PCDHGB2: variants seen among roughly 807,000 people sequenced by gnomAD.
The protein encoded by PCDHGB2 is protocadherin gamma-B2.
A neutral mutation model predicts 59.3 loss-of-function variants in PCDHGB2; 55 were observed. That is an observed-to-expected ratio of 0.93 (90% CI 0.75 to 1.16). The LOEUF (loss-of-function observed/expected upper bound fraction) is 1.16. PCDHGB2 is among the 50% of genes most tolerant of loss of function. The pLI is 0.00. For missense variants in PCDHGB2, 1,228 were observed against 1,198.5 expected (o/e 1.02, Z -0.36); for synonymous variants, 516 against 512.0 (o/e 1.01, Z -0.11).
At chr5:141,472,332 G>A (rs566731120) in intron 1 of PCDHGB2, among the ~76,000 whole-genome samples, 1 of 152,116 alleles carries the variant, frequency 6.6e-6, no homozygotes, top group East Asian at 1.9e-4. Flanking sequence ...ACGAGGTTGG[G>A]AGATCGAGAC....
chr5:141,489,359 AG>A lies in PCDHGB2; in HGVS notation c.2422-5447del. On this transcript the variant is annotated intron_variant, in intron 1 of 3. Coordinates refer to ENST00000522605, the MANE Select transcript of PCDHGB2 (RefSeq NM_018923.3). The surrounding 1 kb of genome is among the most constrained non-coding windows in gnomAD (Gnocchi z 4.5). ...CGTTACTCAGTGGTGGAGGAGTCTG[AG>A]CCGGGGACGCTGGTGGGGAATGTTG... 1 of 1,613,110 alleles carries A rather than the reference AG, an allele frequency of 6.2e-7. No homozygotes were observed. The highest frequency in any genetic ancestry group is 1.1e-5 in the South Asian group (1 of 90,984).
chr5:141,400,198 G>A (rs559051247), intron 1 of PCDHGB2: 4 of 1,613,926 alleles, frequency 2.5e-6, no homozygotes, highest in Non-Finnish European at 2.5e-6. Flanking sequence ...CCTAGTGGTG[G>A]CCTTGGCCTT....
At chr5:141,481,739 G>A (rs1034725934) in intron 1 of PCDHGB2, among the ~76,000 whole-genome samples, 1 of 152,082 alleles carries the variant, frequency 6.6e-6, no homozygotes, top group Non-Finnish European at 1.5e-5. Flanking sequence ...GGATCACGAG[G>A]TCAGGAGTCC....
intron 1 of PCDHGB2, chr5:141,393,118 G>A: frequency 3.7e-6 from 6 of 1,613,472 alleles, no homozygotes; most frequent in Non-Finnish European, 5.1e-6. Flanking sequence ...AGCCCGCGGT[G>A]TCTGATAAAT....
At chr5:141,492,384 C>T (rs1001189412) in intron 1 of PCDHGB2, among the ~76,000 whole-genome samples, 1 of 152,230 alleles carries the variant, frequency 6.6e-6, no homozygotes, top group African/African-American at 2.4e-5. Context: ...AGGCCTGTTC[C>T]GGTCCACTCG....
At chr5:141,419,723 C>G (rs373666366) in intron 1 of PCDHGB2, 1 of 1,613,174 alleles carries the variant, frequency 6.2e-7, no homozygotes, top group African/African-American at 1.3e-5. Context: ...CCTGGGGCTG[C>G]GAACAGGCGA....
intron 1 of PCDHGB2, chr5:141,426,987 G>C (rs867397302): frequency 1.3e-5 from 6 of 456,602 alleles, no homozygotes; most frequent in African/African-American, 1.2e-4. Context: ...TGATGCCAAC[G>C]ATAATGCCCC....
chr5:141,401,281 G>C (rs2094135967), intron 1 of PCDHGB2, among the ~76,000 whole-genome samples: 1 of 152,200 alleles, frequency 6.6e-6, no homozygotes, highest in Non-Finnish European at 1.5e-5. Context: ...GGTGGAGGTT[G>C]CGGTGAGCCG....
intron 1 of PCDHGB2, chr5:141,378,010 T>C (rs1476632072): frequency 6.6e-6 from 1 of 152,212 alleles, no homozygotes; most frequent in Non-Finnish European, 1.5e-5. Flanking sequence ...TCAAATAAGC[T>C]CTACTTATAT....
chr5:141,413,490 G>T (rs1255775347), intron 1 of PCDHGB2: 2 of 1,614,070 alleles, frequency 1.2e-6, no homozygotes, highest in Admixed American at 3.3e-5. Flanking sequence ...AGAGCGCGCG[G>T]TGCGTGGTGA....
intron 1 of PCDHGB2, among the ~76,000 whole-genome samples, chr5:141,454,831 A>C (rs1489772379): frequency 1.3e-5 from 1 of 78,366 alleles, no homozygotes; most frequent in African/African-American, 6.7e-5. Context: ...TTTTTGAGAC[A>C]GAGTCGCGCT....
chr5:141,432,665 G>A lies in PCDHGB2; in HGVS notation c.2422-62142G>A. 1 of 1,613,896 alleles carries A rather than the reference G, an allele frequency of 6.2e-7. No individual in the cohort carries two copies. Among genetic ancestry groups the A allele is most frequent in the Non-Finnish European group, 8.5e-7 (1 of 1,179,956 alleles). On this transcript the variant is annotated intron_variant, in intron 1 of 3. Coordinates refer to ENST00000522605, the MANE Select transcript of PCDHGB2 (RefSeq NM_018923.3). The surrounding 1 kb of genome is among the most constrained non-coding windows in gnomAD (Gnocchi z 6.0). ...CACGGCGCGAGCCCTGCTGGACAGA[G>A]ACGCGCTCAAGCAGAGCCTCGTAGT... is the stretch of plus-strand genomic sequence containing the variant.
intron 1 of PCDHGB2, among the ~76,000 whole-genome samples, chr5:141,481,161 A>G (rs2099532805): frequency 6.6e-6 from 1 of 152,230 alleles, no homozygotes; most frequent in African/African-American, 2.4e-5. Flanking sequence ...GTATTTGCAG[A>G]ACCAGAATCC....
At chr5:141,478,567 C>T (rs371741874) in intron 1 of PCDHGB2, 20 of 1,593,698 alleles carry the variant, frequency 1.3e-5, no homozygotes, top group Non-Finnish European at 1.7e-5. Flanking sequence ...GCAAGTCATG[C>T]TTGACCCTGT....
Position 141,491,009 on chromosome 5 carries a change from C to A in PCDHGB2, c.2422-3798C>A. On this transcript the variant is annotated intron_variant, in intron 1 of 3. Transcript: ENST00000522605. This position sits in a 1 kb window ranked among gnomAD's most constrained non-coding sequence, Gnocchi z 6.9. ...TCTGCTCCTCCTGGCTCCTTGGTCA[C>A]CAAGGTGACAGCCGTGGATGCTGAT... 4 of 1,614,140 alleles carry A rather than the reference C, an allele frequency of 2.5e-6. No homozygotes were observed. Among genetic ancestry groups the A allele is most frequent in the Non-Finnish European group, 3.4e-6 (4 of 1,180,038 alleles).
chr5:141,408,202 G>A (rs778320550), intron 1 of PCDHGB2: 6 of 1,549,832 alleles, frequency 3.9e-6, no homozygotes, highest in African/African-American at 1.4e-5. Flanking sequence ...CCGAGCGAAC[G>A]ATGGGAGGGA....
chr5:141,401,106 G>A (rs1259844433), intron 1 of PCDHGB2, among the ~76,000 whole-genome samples: 5 of 152,208 alleles, frequency 3.3e-5, no homozygotes, highest in African/African-American at 9.6e-5. Context: ...CACTTTGGGA[G>A]GCCGAGGCGG....
rs1264130543 is a variant in PCDHGB2 at position 141,485,467 on chromosome 5, C to T, written c.2422-9340C>T. 2 of 1,614,112 alleles carry T rather than the reference C, an allele frequency of 1.2e-6. No homozygotes were observed. The highest frequency in any genetic ancestry group is 1.7e-6 in the Non-Finnish European group (2 of 1,180,024). On this transcript the variant is annotated intron_variant, in intron 1 of 3. Transcript: ENST00000522605. The surrounding 1 kb of genome is among the most constrained non-coding windows in gnomAD (Gnocchi z 5.7). ...TCGACCGAGAGGCACTGTGTGGGCT[C>T]AGTGCCAGCTGCATCGTGCCCCTGG... is the stretch of plus-strand genomic sequence containing the variant.
At chr5:141,418,405 G>T in intron 1 of PCDHGB2, 1 of 1,614,020 alleles carries the variant, frequency 6.2e-7, no homozygotes, top group African/African-American at 1.3e-5. Context: ...CATTGGTGGA[G>T]AAAGACAATC....
Sources: allele counts gnomAD v4.1 joint callset (sites outside exome capture counted in the v4.1 genomes callset), GRCh38; gene constraint gnomAD v4.1.1; non-coding constraint Gnocchi (gnomAD v3.1); transcripts MANE v1.5; gene names NCBI Gene and HGNC (gene_info 2026-07-23, HGNC 2026-07-21).